Variants in SOX5 observed in about 807,000 individuals in gnomAD.
SOX5 encodes the protein SRY-box transcription factor 5, also known as transcription factor SOX-5.
In SOX5, 9 loss-of-function variants were observed where a neutral mutation model predicts 92.0. The observed-to-expected ratio is 0.10, with a 90% confidence interval of 0.06 to 0.17. The LOEUF is 0.17. Ranked by LOEUF, SOX5 falls within the 10% of genes least tolerant of loss-of-function variation. SOX5 has a pLI of 1.00. For missense variants in SOX5, 642 were observed against 944.5 expected (o/e 0.68, Z 4.20); for synonymous variants, 344 against 336.3 (o/e 1.02, Z -0.25).
intron 3 of SOX5, among the ~76,000 whole-genome samples, chr12:23,768,726 G>A (rs961279020): frequency 8.6e-5 from 13 of 151,770 alleles, no homozygotes; most frequent in African/African-American, 2.9e-4. Flanking sequence ...ATATTTTCAC[G>A]TAAGAAATCT....
In SOX5 at chr12:24,480,561, G is replaced by GA. The variant is rs375055538; in HGVS notation, c.-251+81767dup. 2.8e-3 allele frequency among the ~76,000 whole-genome samples: 429 copies of GA among 151,694 alleles called. 2 individuals are homozygous for GA. The highest frequency in any genetic ancestry group is 9.4e-3 in the African/African-American group (390 of 41,364). ...ATAAGGAGTTCAAACAACTCTATAG[G>GA]AAAAAAAATCTAATAATCTGATTTA... On this transcript the variant is annotated intron_variant, in intron 1 of 4. Transcript: ENST00000446891.
chr12:24,118,669 C>G (rs1307431925), intron 4 of SOX5, among the ~76,000 whole-genome samples: 1 of 152,048 alleles, frequency 6.6e-6, no homozygotes, highest in African/African-American at 2.4e-5. Flanking sequence ...AAGCAGACAT[C>G]ACAGTCTTGG....
intron 1 of SOX5, among the ~76,000 whole-genome samples, chr12:24,505,111 A>C (rs1173333879): frequency 6.6e-6 from 1 of 152,238 alleles, no homozygotes; most frequent in East Asian, 1.9e-4. Context: ...ACCTATGCCT[A>C]CATCTGGAAA....
chr12:23,761,795 G>C (rs2094570285), intron 3 of SOX5, among the ~76,000 whole-genome samples: 1 of 152,030 alleles, frequency 6.6e-6, no homozygotes, highest in South Asian at 2.1e-4. Context: ...TTAGAACTAA[G>C]TATTATTAAC....
intron 4 of SOX5, among the ~76,000 whole-genome samples, chr12:24,096,966 C>T (rs955231572): frequency 1.3e-5 from 2 of 152,084 alleles, no homozygotes; most frequent in East Asian, 1.9e-4. Context: ...TTTTCTATAG[C>T]GGTTGCACCA....
chr12:23,681,290 A>G (rs1363660704), intron 6 of SOX5, among the ~76,000 whole-genome samples: 1 of 151,958 alleles, frequency 6.6e-6, no homozygotes, highest in African/African-American at 2.4e-5. Flanking sequence ...GATAATACCC[A>G]AACTGATAAA....
intron 4 of SOX5, among the ~76,000 whole-genome samples, chr12:24,113,104 A>G (rs1947565064): frequency 6.6e-6 from 1 of 151,814 alleles, no homozygotes; most frequent in African/African-American, 2.4e-5. Flanking sequence ...GACAAAATCA[A>G]TACAATGTCC....
intron 2 of SOX5, among the ~76,000 whole-genome samples, chr12:24,354,820 G>A (rs1954593979): frequency 6.6e-6 from 1 of 152,186 alleles, no homozygotes. Context: ...GGGCGGAGCA[G>A]TACATTTTTA....
chr12:23,775,021 T>G (rs1197735890), intron 3 of SOX5, among the ~76,000 whole-genome samples: 1 of 152,206 alleles, frequency 6.6e-6, no homozygotes, highest in Non-Finnish European at 1.5e-5. Context: ...ACTCTGCATT[T>G]GTAACGGCTA....
At chr12:24,006,025 C>T (rs890069115) in intron 4 of SOX5, among the ~76,000 whole-genome samples, 21 of 152,116 alleles carry the variant, frequency 1.4e-4, no homozygotes, top group Admixed American at 6.6e-5. Flanking sequence ...CTTATTCATT[C>T]GTTCAGCTAG....
At chr12:24,511,547 A>T (rs1221438094) in intron 1 of SOX5, among the ~76,000 whole-genome samples, 1 of 152,240 alleles carries the variant, frequency 6.6e-6, no homozygotes, top group East Asian at 1.9e-4. Context: ...ATAAACATTT[A>T]CTAAGCACCT....
chr12:23,663,129 T>C (rs772188618), intron 7 of SOX5, among the ~76,000 whole-genome samples: 4 of 152,168 alleles, frequency 2.6e-5, no homozygotes, highest in Non-Finnish European at 5.9e-5. Flanking sequence ...TCATTCAAAC[T>C]GAGTCAAAAC....
intron 1 of SOX5, among the ~76,000 whole-genome samples, chr12:24,369,359 C>T (rs933862631): frequency 7.2e-5 from 11 of 152,174 alleles, no homozygotes; most frequent in African/African-American, 2.2e-4. Flanking sequence ...GAAACTAAAA[C>T]TTTCAGCCCA....
chr12:23,776,169 A>G (rs1048063617), intron 3 of SOX5, among the ~76,000 whole-genome samples: 7 of 152,252 alleles, frequency 4.6e-5, no homozygotes, highest in African/African-American at 1.7e-4. Context: ...CGATGAACTT[A>G]GTGATAACAT....
chr12:23,974,139 A>G (rs1016051698), intron 4 of SOX5, among the ~76,000 whole-genome samples: 2 of 152,182 alleles, frequency 1.3e-5, no homozygotes, highest in Admixed American at 1.3e-4. Flanking sequence ...ACTACAATAA[A>G]ACATATACGA....
At chr12:23,698,201 T>C (rs1328181442) in intron 6 of SOX5, among the ~76,000 whole-genome samples, 1 of 152,098 alleles carries the variant, frequency 6.6e-6, no homozygotes, top group African/African-American at 2.4e-5. Flanking sequence ...AAGCTTTCTG[T>C]TCATTGCTTC....
At chr12:23,856,635 T>C (rs1283680243) in intron 2 of SOX5, among the ~76,000 whole-genome samples, 2 of 152,160 alleles carry the variant, frequency 1.3e-5, no homozygotes, top group African/African-American at 4.8e-5. Context: ...CTGATTCAGG[T>C]GCTGCAAGAT....
rs943734541 is a variant in SOX5 at position 23,993,870 on chromosome 12, T to C, written c.-1-97846A>G. Among the ~76,000 whole-genome samples, 52 of 137,708 alleles carry C rather than the reference T, an allele frequency of 3.8e-4. 1 individual carries two copies. Among genetic ancestry groups the C allele is most frequent in the Non-Finnish European group, 3.1e-5 (2 of 63,806 alleles). 90.3% of individuals were successfully genotyped at this position (137,708 alleles called of 152,430 possible). ...AGAAACTCCCTCCCTATGAAATGTA[T>C]GTATGTATGTATGTATGTATGTATG... On this transcript the variant is annotated intron_variant, in intron 4 of 4. Coordinates refer to the SOX5 transcript ENST00000446891.
chr12:23,770,674 G>C (rs1221554016), intron 3 of SOX5, among the ~76,000 whole-genome samples: 1 of 152,074 alleles, frequency 6.6e-6, no homozygotes, highest in Non-Finnish European at 1.5e-5. Flanking sequence ...TTGCAGCTGG[G>C]AACTGTCATC....
Sources: allele counts gnomAD v4.1 joint callset (sites outside exome capture counted in the v4.1 genomes callset), GRCh38; gene constraint gnomAD v4.1.1; transcripts MANE v1.5; gene names NCBI Gene and HGNC (gene_info 2026-07-23, HGNC 2026-07-21).